Variants in TOMM20L observed in about 807,000 individuals in gnomAD.
The protein encoded by TOMM20L is TOMM20-like protein 1.
In TOMM20L, 19 loss-of-function variants were observed where a neutral mutation model predicts 20.4. The observed-to-expected ratio is 0.93, with a 90% CI of 0.65 to 1.36. The LOEUF is 1.36. TOMM20L is among the 40% of genes most tolerant of loss of function. TOMM20L has a pLI of 0.00. For synonymous variants in TOMM20L, 75 were observed against 79.6 expected, an observed-to-expected ratio of 0.94 and a Z score of 0.30; for missense variants, 218 against 203.7, an observed-to-expected ratio of 1.07 and a Z score of -0.43.
chr14:58,403,330 C>T (rs1222798840), intron 3 of TOMM20L, among the ~76,000 whole-genome samples: 1 of 152,152 alleles, frequency 6.6e-6, no homozygotes, highest in African/African-American at 2.4e-5. Flanking sequence ...TATACTCCAG[C>T]CTGGGAGACA....
chr14:58,401,495 G>A (rs2035991879), intron 2 of TOMM20L, among the ~76,000 whole-genome samples: 1 of 151,712 alleles, frequency 6.6e-6, no homozygotes, highest in Non-Finnish European at 1.5e-5. Flanking sequence ...GCGTGAACCT[G>A]GGAGGCGGAG....
downstream of TOMM20L, among the ~76,000 whole-genome samples, chr14:58,411,374 G>C (rs2036209365): frequency 1.3e-5 from 2 of 151,944 alleles, no homozygotes. Flanking sequence ...CTTGGGCCCG[G>C]GAGATGGAGG....
chr14:58,408,889 C>T (rs2036116414), downstream of TOMM20L: 3 of 1,199,612 alleles, frequency 2.5e-6, no homozygotes, highest in Non-Finnish European at 3.4e-6. Context: ...TTTGTTTCTC[C>T]AGCGGTTTCC....
downstream of TOMM20L, chr14:58,412,054 G>A (rs981459170): frequency 2.6e-5 from 26 of 985,806 alleles, no homozygotes; most frequent in African/African-American, 1.9e-4. Flanking sequence ...ATCACTGCTC[G>A]TATTTTATAA....
chr14:58,402,033 G>A (rs919050157), intron 2 of TOMM20L, among the ~76,000 whole-genome samples: 1 of 151,952 alleles, frequency 6.6e-6, no homozygotes, highest in African/African-American at 2.4e-5. Context: ...TAATATCCTG[G>A]GCAAGAAAAT....
At chr14:58,408,168 G>A (rs1374492482) in intron 4 of TOMM20L, among the ~76,000 whole-genome samples, 1 of 152,166 alleles carries the variant, frequency 6.6e-6, no homozygotes, top group Non-Finnish European at 1.5e-5. Flanking sequence ...TGTAATCCTA[G>A]CACTTTGGGA....
At chr14:58,410,738 G>C, downstream of TOMM20L, 1 of 770,562 alleles carries the variant, frequency 1.3e-6, no homozygotes, top group Non-Finnish European at 2.1e-6. Context: ...ATAAAAGGTA[G>C]TCTAAATTCC....
the TOMM20L span, among the ~76,000 whole-genome samples, chr14:58,414,540 C>T: frequency 6.6e-6 from 1 of 151,884 alleles, no homozygotes; most frequent in Non-Finnish European, 1.5e-5. Flanking sequence ...GAGTTGGAGA[C>T]AAGCCTGGAC....
chr14:58,414,228 T>C, the TOMM20L span, among the ~76,000 whole-genome samples: 1 of 152,054 alleles, frequency 6.6e-6, no homozygotes, highest in African/African-American at 2.4e-5. Context: ...AAAGTATCTC[T>C]GGAAAACATA....
intron 2 of TOMM20L, among the ~76,000 whole-genome samples, chr14:58,402,276 G>A (rs1226833582): frequency 6.6e-6 from 1 of 151,740 alleles, no homozygotes; most frequent in Non-Finnish European, 1.5e-5. Flanking sequence ...GGTTCAAGAT[G>A]TCCTTTTTTT....
At chr14:58,415,714 T>A in the TOMM20L span, among the ~76,000 whole-genome samples, 3 of 151,942 alleles carry the variant, frequency 2.0e-5, no homozygotes, top group African/African-American at 7.3e-5. Context: ...CTTGTAGAAG[T>A]ATAAAAAAGT....
At chr14:58,416,053 T>TG in the TOMM20L span, among the ~76,000 whole-genome samples, 1 of 133,120 alleles carries the variant, frequency 7.5e-6, no homozygotes, top group African/African-American at 3.0e-5. Flanking sequence ...CCGTCCCTAC[T>TG]GAAAAAAAAA....
At chr14:58,411,214 G>A (rs767865505), downstream of TOMM20L, among the ~76,000 whole-genome samples, 6 of 152,122 alleles carry the variant, frequency 3.9e-5, no homozygotes, top group African/African-American at 1.4e-4. Context: ...TTGGGAGGCC[G>A]AGGTGGGCGG....
intron 2 of TOMM20L, 46 bp downstream of exon 2, chr14:58,396,387 C>T (rs1282265260): frequency 5.0e-6 from 8 of 1,608,358 alleles, no homozygotes; most frequent in Non-Finnish European, 6.8e-6. Flanking sequence ...GACGCAGGTC[C>T]GGGCTCGCTG....
At chr14:58,403,843 TTAAATAAA>T (rs1045320144) in intron 3 of TOMM20L, among the ~76,000 whole-genome samples, 1 of 150,792 alleles carries the variant, frequency 6.6e-6, no homozygotes, top group African/African-American at 2.4e-5. Flanking sequence ...GGCTCAAAAA[TTAAATAAA>T]TAAATAAATA....
chr14:58,396,436 A>G (rs1050787402), intron 2 of TOMM20L, 95 bp downstream of exon 2: 22 of 1,396,012 alleles, frequency 1.6e-5, no homozygotes, highest in Middle Eastern at 2.4e-4. Flanking sequence ...GCAGGTAGTT[A>G]GTTCCCTCAG....
chr14:58,396,631 G>A (rs1406104170), intron 2 of TOMM20L, among the ~76,000 whole-genome samples: 5 of 152,238 alleles, frequency 3.3e-5, no homozygotes, highest in African/African-American at 9.6e-5. Flanking sequence ...GGAGCCTTTT[G>A]CCCTGTCAGA....
At position 58,402,702 on chromosome 14, in the gene TOMM20L, A is replaced by G; in HGVS notation, c.203A>G (p.Lys68Arg). The change falls in exon 3 of 5, where the codon AAA becomes AGA. Residue 68 changes from lysine to arginine, a missense_variant. Physicochemically the swap from Lys to Arg is conservative, Grantham distance 26. Coordinates refer to ENST00000360945, the MANE Select transcript of TOMM20L (RefSeq NM_207377.3). ...TAGTTGTGGGATCCAACGAAGAATA[A>G]AAAGTTGCAAGAACTTTTCTTGCAA... ...GTQLWDPTKN[K>R]KLQELFLQEV... is the part of the protein sequence containing the mutation. 6.2e-7 allele frequency: 1 copy of G among 1,613,844 alleles called. No individual in the cohort carries two copies. The highest frequency in any genetic ancestry group is 8.5e-7 in the Non-Finnish European group (1 of 1,179,748).
At chr14:58,396,127 C>G (rs912960556) in intron 1 of TOMM20L, 34 bp downstream of exon 1, 1 of 1,276,326 alleles carries the variant, frequency 7.8e-7, no homozygotes, top group Non-Finnish European at 9.9e-7. Context: ...GCGGCCGGGC[C>G]GGGCAGCGCG....
Sources: gnomAD v4.1 joint callset for allele counts (sites outside exome capture counted in the v4.1 genomes callset) on GRCh38, gnomAD v4.1.1 for gene constraint, MANE v1.5 for transcripts, NCBI Gene and HGNC (gene_info 2026-07-23, HGNC 2026-07-21) for gene names.